Variants in LINGO2 observed in about 807,000 individuals in gnomAD.
LINGO2 encodes leucine rich repeat and Ig domain containing 2.
Under a neutral mutation model 30.6 loss-of-function variants are expected in LINGO2, and 14 were observed. The observed-to-expected ratio is 0.46, with a 90% CI of 0.30 to 0.72. The LOEUF is 0.72. LINGO2 is among the 30% of genes least tolerant of loss of function. LINGO2 has a pLI of 0.07. For synonymous variants in LINGO2, 317 were observed against 288.5 expected, an observed-to-expected ratio of 1.10 and a Z score of -1.00; for missense variants, 729 against 751.7, an observed-to-expected ratio of 0.97 and a Z score of 0.35.
chr9:28,237,367 G>A (rs1213937607), intron 4 of LINGO2, among the ~76,000 whole-genome samples: 2 of 151,810 alleles, frequency 1.3e-5, no homozygotes, highest in African/African-American at 2.4e-5. Flanking sequence ...AGATGGGAAG[G>A]AAGAAAATAA....
the LINGO2 span, among the ~76,000 whole-genome samples, chr9:28,795,983 TACACAC>T: frequency 6.9e-4 from 96 of 138,224 alleles, no homozygotes; most frequent in African/African-American, 2.3e-3. Flanking sequence ...CAGTACTAGA[TACACAC>T]ACACACACAC....
intron 3 of LINGO2, among the ~76,000 whole-genome samples, chr9:28,308,495 C>A (rs1043624652): frequency 6.8e-6 from 1 of 146,672 alleles, no homozygotes; most frequent in East Asian, 2.2e-4. Flanking sequence ...AAAACCTAGG[C>A]GTTACCATTC....
chr9:28,702,657 G>A, the LINGO2 span, among the ~76,000 whole-genome samples: 1 of 151,848 alleles, frequency 6.6e-6, no homozygotes, highest in South Asian at 2.1e-4. Context: ...CATAGAATGA[G>A]TTAGAAAGTA....
the LINGO2 span, among the ~76,000 whole-genome samples, chr9:28,924,217 ATTCT>A: frequency 6.6e-6 from 1 of 151,490 alleles, no homozygotes; most frequent in Non-Finnish European, 1.5e-5. Context: ...CTGGGTAAGT[ATTCT>A]TTCTTTTTCT....
At chr9:29,103,940 T>A in the LINGO2 span, among the ~76,000 whole-genome samples, 3 of 152,158 alleles carry the variant, frequency 2.0e-5, no homozygotes, top group Non-Finnish European at 4.4e-5. Flanking sequence ...CACGTAACCT[T>A]TCTGGGCTTC....
chr9:28,543,142 C>A (rs552916037), intron 1 of LINGO2, among the ~76,000 whole-genome samples: 1 of 152,166 alleles, frequency 6.6e-6, no homozygotes, highest in East Asian at 1.9e-4. Flanking sequence ...CATATAAAGA[C>A]AGTAGGGAAT....
chr9:28,338,010 A>G (rs946681527), intron 3 of LINGO2, among the ~76,000 whole-genome samples: 5 of 152,148 alleles, frequency 3.3e-5, no homozygotes, highest in Non-Finnish European at 7.3e-5. Flanking sequence ...CCAGAATGGT[A>G]TATCCACTGA....
chr9:28,375,659 C>T (rs886153419), intron 2 of LINGO2, among the ~76,000 whole-genome samples: 7 of 152,158 alleles, frequency 4.6e-5, no homozygotes, highest in Non-Finnish European at 8.8e-5. Flanking sequence ...AAATCAATGA[C>T]CATTCTTTGA....
At chr9:27,990,507 T>C (rs1481938741) in intron 5 of LINGO2, among the ~76,000 whole-genome samples, 1 of 137,594 alleles carries the variant, frequency 7.3e-6, no homozygotes, top group African/African-American at 2.6e-5. Flanking sequence ...ACTTTACCCA[T>C]CGAAGCTTCC....
intron 1 of LINGO2, among the ~76,000 whole-genome samples, chr9:28,568,968 G>A (rs1823535137): frequency 6.6e-6 from 1 of 151,942 alleles, no homozygotes; most frequent in South Asian, 2.1e-4. Flanking sequence ...CCAATAAAAA[G>A]TGGGCAAAGG....
chr9:28,093,513 T>C (rs1266101838), intron 4 of LINGO2, among the ~76,000 whole-genome samples: 1 of 152,076 alleles, frequency 6.6e-6, no homozygotes, highest in Admixed American at 6.6e-5. Flanking sequence ...ATACAGTAAG[T>C]ACTCACTAAA....
Position 28,461,360 on chromosome 9 carries a change from G to A in LINGO2, c.-279+14580C>T, listed in dbSNP as rs1455370677. ...TTCATCCCTCACTATCATTTACTTC[G>A]TGGCTTTCTGAAATGGTGTTTCCTG... On this transcript the variant is annotated intron_variant, in intron 2 of 5. Transcript: ENST00000379992. 5.3e-5 allele frequency among the ~76,000 whole-genome samples: 8 copies of A among 152,000 alleles called. No homozygotes were observed. The East Asian group carries it at 1.5e-3, about 29-fold the overall frequency.
chr9:28,469,145 G>C (rs576247643), intron 2 of LINGO2, among the ~76,000 whole-genome samples: 1 of 151,788 alleles, frequency 6.6e-6, no homozygotes, highest in South Asian at 2.1e-4. Flanking sequence ...TTATGGAGTG[G>C]AAAAATACAA....
chr9:28,277,380 T>TC (rs1823153853), intron 4 of LINGO2, among the ~76,000 whole-genome samples: 1 of 152,136 alleles, frequency 6.6e-6, no homozygotes, highest in Non-Finnish European at 1.5e-5. Context: ...TCCTTATCTT[T>TC]CCCCCTCTCC....
intron 1 of LINGO2, among the ~76,000 whole-genome samples, chr9:28,503,434 A>G (rs529119201): frequency 6.6e-6 from 1 of 152,158 alleles, no homozygotes; most frequent in African/African-American, 2.4e-5. Flanking sequence ...GCTATCATGT[A>G]TGATAACTCA....
intron 4 of LINGO2, among the ~76,000 whole-genome samples, chr9:28,076,601 C>A (rs1825630791): frequency 6.6e-6 from 1 of 151,550 alleles, no homozygotes; most frequent in African/African-American, 2.4e-5. Context: ...GTCAGATTTT[C>A]TCTGATGTCA....
the LINGO2 span, among the ~76,000 whole-genome samples, chr9:29,060,581 TAA>T: frequency 6.6e-6 from 1 of 151,970 alleles, no homozygotes; most frequent in Non-Finnish European, 1.5e-5. Context: ...ATTGGAAATA[TAA>T]AACAATAACT....
the LINGO2 span, among the ~76,000 whole-genome samples, chr9:28,815,857 T>G: frequency 6.6e-6 from 1 of 152,216 alleles, no homozygotes; most frequent in Non-Finnish European, 1.5e-5. Context: ...ACCTTAGTCT[T>G]GCCAATTCTT....
chr9:29,148,930 T>A, the LINGO2 span, among the ~76,000 whole-genome samples: 1 of 152,208 alleles, frequency 6.6e-6, no homozygotes, highest in Non-Finnish European at 1.5e-5. Flanking sequence ...TATTATATTG[T>A]ACCTGAATAG....
Sources: allele counts gnomAD v4.1 joint callset (sites outside exome capture counted in the v4.1 genomes callset), GRCh38; gene constraint gnomAD v4.1.1; transcripts MANE v1.5; gene names NCBI Gene and HGNC (gene_info 2026-07-23, HGNC 2026-07-21).